Variants in GTF2F2 observed in about 807,000 individuals in gnomAD.
The protein encoded by GTF2F2 is general transcription factor IIF subunit 2, also known as ATP-dependent helicase GTF2F2.
A neutral mutation model predicts 42.2 loss-of-function variants in GTF2F2; 23 were observed. The ratio of observed to expected loss-of-function variants is 0.55; its 90% CI spans 0.39 to 0.77. The LOEUF is 0.77. Ranked by LOEUF, GTF2F2 falls within the 30% of genes least tolerant of loss-of-function variation. The pLI is 0.00. For synonymous variants in GTF2F2, 105 were observed against 100.8 expected (o/e 1.04, Z -0.25); for missense variants, 261 against 287.2 (o/e 0.91, Z 0.66).
chr13:45,249,250 T>C (rs1228916731), intron 5 of GTF2F2, among the ~76,000 whole-genome samples: 3 of 152,218 alleles, frequency 2.0e-5, no homozygotes, highest in African/African-American at 7.2e-5. Flanking sequence ...TAGTTCTTTG[T>C]TATATTTTCA....
At chr13:45,181,343 A>G (rs553809208) in intron 4 of GTF2F2, among the ~76,000 whole-genome samples, 3 of 152,162 alleles carry the variant, frequency 2.0e-5, no homozygotes, top group African/African-American at 4.8e-5. Context: ...AATATATTTT[A>G]TTTTTCACAG....
At chr13:45,182,295 C>T (rs907313181) in intron 4 of GTF2F2, among the ~76,000 whole-genome samples, 13 of 152,000 alleles carry the variant, frequency 8.6e-5, no homozygotes, top group African/African-American at 1.9e-4. Context: ...GGATTACAGA[C>T]GCCCACTGCT....
At chr13:45,277,239 T>C (rs1026332909) in intron 7 of GTF2F2, among the ~76,000 whole-genome samples, 3 of 152,198 alleles carry the variant, frequency 2.0e-5, no homozygotes, top group Non-Finnish European at 4.4e-5. Context: ...CTGGGTAATT[T>C]ATAAAGAAGA....
intron 4 of GTF2F2, among the ~76,000 whole-genome samples, chr13:45,170,568 C>T (rs556571053): frequency 6.6e-6 from 1 of 152,224 alleles, no homozygotes; most frequent in East Asian, 1.9e-4. Context: ...GTGAGGTACT[C>T]TGTACACAGA....
At chr13:45,210,529 T>C (rs1477767433) in intron 5 of GTF2F2, among the ~76,000 whole-genome samples, 1 of 152,224 alleles carries the variant, frequency 6.6e-6, no homozygotes, top group Non-Finnish European at 1.5e-5. Flanking sequence ...ACTATGTAGT[T>C]TACTTATATT....
intron 6 of GTF2F2, among the ~76,000 whole-genome samples, chr13:45,265,123 G>T (rs1876509804): frequency 1.3e-5 from 2 of 152,078 alleles, no homozygotes; most frequent in Admixed American, 1.3e-4. Flanking sequence ...GCTGGGCATG[G>T]TGGTGCGCAC....
At chr13:45,157,017 A>T (rs560855143) in intron 4 of GTF2F2, among the ~76,000 whole-genome samples, 20 of 152,330 alleles carry the variant, frequency 1.3e-4, no homozygotes, top group African/African-American at 4.8e-4. Context: ...CTAGAAGTTG[A>T]TAAATTTTCT....
intron 5 of GTF2F2, among the ~76,000 whole-genome samples, chr13:45,252,290 T>A (rs1390815185): frequency 6.6e-6 from 1 of 152,136 alleles, no homozygotes; most frequent in African/African-American, 2.4e-5. Flanking sequence ...CTACAGGCAC[T>A]GTGCCTGGCT....
At chr13:45,143,910 A>G (rs1418621879) in intron 2 of GTF2F2, among the ~76,000 whole-genome samples, 2 of 152,164 alleles carry the variant, frequency 1.3e-5, no homozygotes, top group African/African-American at 2.4e-5. Context: ...TACCTGGATT[A>G]TTTTTGTATC....
chr13:45,216,765 C>T (rs951477549), intron 5 of GTF2F2, among the ~76,000 whole-genome samples: 4 of 152,002 alleles, frequency 2.6e-5, no homozygotes, highest in African/African-American at 9.6e-5. Context: ...GTGATCCACC[C>T]GCTTCAGCCT....
At chr13:45,270,000 T>A (rs761480684) in intron 7 of GTF2F2, among the ~76,000 whole-genome samples, 18 of 151,986 alleles carry the variant, frequency 1.2e-4, no homozygotes, top group African/African-American at 4.8e-5. Flanking sequence ...CCTGGCTAAT[T>A]TTTGGATTTT....
chr13:45,161,573 G>A (rs1871038976), intron 4 of GTF2F2, among the ~76,000 whole-genome samples: 1 of 152,184 alleles, frequency 6.6e-6, no homozygotes, highest in African/African-American at 2.4e-5. Context: ...CGGGCACCGT[G>A]GCTCAGGCCT....
chr13:45,139,908 C>G (rs192478902), intron 2 of GTF2F2, among the ~76,000 whole-genome samples: 1 of 152,174 alleles, frequency 6.6e-6, no homozygotes, highest in African/African-American at 2.4e-5. Context: ...ATCTACCATG[C>G]TCAAGTCCTT....
At chr13:45,132,571 G>A (rs906768430) in intron 1 of GTF2F2, among the ~76,000 whole-genome samples, 8 of 152,134 alleles carry the variant, frequency 5.3e-5, no homozygotes, top group East Asian at 1.9e-4. Context: ...TTACAGAAGC[G>A]AAGTCCCATT....
intron 5 of GTF2F2, among the ~76,000 whole-genome samples, chr13:45,217,347 C>T (rs1457992069): frequency 1.3e-5 from 2 of 151,542 alleles, no homozygotes; most frequent in Non-Finnish European, 2.9e-5. Flanking sequence ...TCTCCCTGAC[C>T]GTTTCTCTTC....
At chr13:45,129,458 C>T (rs1230102441) in intron 1 of GTF2F2, among the ~76,000 whole-genome samples, 1 of 152,216 alleles carries the variant, frequency 6.6e-6, no homozygotes, top group African/African-American at 2.4e-5. Flanking sequence ...GATCCACCCA[C>T]CTCAGCCTCC....
At chr13:45,121,961 T>C (rs1263335442) in intron 1 of GTF2F2, among the ~76,000 whole-genome samples, 1 of 152,166 alleles carries the variant, frequency 6.6e-6, no homozygotes, top group Non-Finnish European at 1.5e-5. Flanking sequence ...ATGGTGTGAC[T>C]TGAGATGGTG....
In GTF2F2 at chr13:45,283,615, A is replaced by T; in HGVS notation, c.*54A>T. 1 of 1,502,718 alleles carries T rather than the reference A, an allele frequency of 6.7e-7. No homozygotes were observed. The highest frequency in any genetic ancestry group is 8.9e-7 in the Non-Finnish European group (1 of 1,120,320). The allele number at this position is 1,502,718 out of a possible 1,614,324, so 93.1% of individuals were successfully genotyped here. ...ACGACTAGCAGCGATGCTATGCAAA[A>T]GGCGCTGATACTGGAAGGCTTGAAC... On this transcript the variant is annotated 3_prime_UTR_variant, in exon 8 of 8. Coordinates refer to ENST00000340473, the MANE Select transcript of GTF2F2 (RefSeq NM_004128.3).
chr13:45,143,486 A>G (rs1211996432), intron 2 of GTF2F2, among the ~76,000 whole-genome samples: 1 of 152,210 alleles, frequency 6.6e-6, no homozygotes, highest in African/African-American at 2.4e-5. Flanking sequence ...AAATGCATGT[A>G]AAATACGTAG....
Sources: gnomAD v4.1 joint callset for allele counts (sites outside exome capture counted in the v4.1 genomes callset) on GRCh38, gnomAD v4.1.1 for gene constraint, MANE v1.5 for transcripts, NCBI Gene and HGNC (gene_info 2026-07-23, HGNC 2026-07-21) for gene names.